Variants in TMED3 observed in about 807,000 individuals in gnomAD.
TMED3 encodes transmembrane emp24 domain-containing protein 3.
A neutral mutation model predicts 15.0 loss-of-function variants in TMED3; 9 were observed. That is an observed-to-expected ratio of 0.60 (90% CI 0.36 to 1.04). TMED3 has a LOEUF of 1.04. TMED3 is among the 50% of genes least tolerant of loss of function. The pLI is 0.01. For synonymous variants in TMED3, 117 were observed against 121.4 expected (o/e 0.96, Z 0.24); for missense variants, 267 against 278.9 (o/e 0.96, Z 0.30).
chr15:79,349,745 A>G (rs2058884960), intron 2 of TMED3, among the ~76,000 whole-genome samples: 1 of 152,138 alleles, frequency 6.6e-6, no homozygotes, highest in Non-Finnish European at 1.5e-5. Context: ...TTCTGCTCCT[A>G]GAACAAGCCG....
At chr15:79,399,202 C>T (rs1463741293) in intron 2 of TMED3, among the ~76,000 whole-genome samples, 1 of 152,180 alleles carries the variant, frequency 6.6e-6, no homozygotes, top group African/African-American at 2.4e-5. Context: ...TGAGCCACCA[C>T]ACCCAGCAAA....
downstream of TMED3, among the ~76,000 whole-genome samples, chr15:79,326,816 C>A (rs2058789161): frequency 6.6e-6 from 1 of 152,162 alleles, no homozygotes; most frequent in African/African-American, 2.4e-5. Context: ...GAGGGAAGGC[C>A]TCTTTAGTCT....
chr15:79,385,817 G>A (rs982248779), intron 2 of TMED3, among the ~76,000 whole-genome samples: 1 of 152,236 alleles, frequency 6.6e-6, no homozygotes, highest in Non-Finnish European at 1.5e-5. Flanking sequence ...AGAAGGGGCA[G>A]AGCTCCCACT....
At chr15:79,390,830 A>C (rs910985214) in intron 2 of TMED3, among the ~76,000 whole-genome samples, 13 of 151,890 alleles carry the variant, frequency 8.6e-5, no homozygotes, top group African/African-American at 2.2e-4. Context: ...TTTTTCCAGG[A>C]ATTTATCCAT....
intron 2 of TMED3, among the ~76,000 whole-genome samples, chr15:79,335,244 C>T (rs1231217864): frequency 6.6e-6 from 1 of 152,128 alleles, no homozygotes; most frequent in Non-Finnish European, 1.5e-5. Flanking sequence ...AAAAATAAAG[C>T]AAAATGATTA....
intron 2 of TMED3, among the ~76,000 whole-genome samples, chr15:79,380,600 T>TAGAGAG (rs768333428): frequency 9.6e-5 from 14 of 146,580 alleles, no homozygotes; most frequent in African/African-American, 3.5e-4. Context: ...TATATATATA[T>TAGAGAG]AGAGAGAGAG....
chr15:79,353,189 A>ATATTTTATATATTATG, intron 2 of TMED3, among the ~76,000 whole-genome samples: 1 of 76,036 alleles, frequency 1.3e-5, no homozygotes, highest in South Asian at 3.9e-4. Flanking sequence ...TATAAAATAT[A>ATATTTTATATATTATG]TATAATATAT....
chr15:79,314,026 C>G, intron 2 of TMED3, 21 bp downstream of exon 2: 3 of 1,613,384 alleles, frequency 1.9e-6, no homozygotes, highest in Middle Eastern at 1.7e-4. Flanking sequence ...ATTAGCAGTT[C>G]GGGGCTGCTG....
chr15:79,362,676 T>C (rs1046172559), intron 2 of TMED3, among the ~76,000 whole-genome samples: 2 of 152,136 alleles, frequency 1.3e-5, no homozygotes, highest in African/African-American at 4.8e-5. Flanking sequence ...GTCCTCATGA[T>C]AGTGATTAAG....
chr15:79,368,791 G>A (rs1893283569), intron 2 of TMED3, among the ~76,000 whole-genome samples: 1 of 151,874 alleles, frequency 6.6e-6, no homozygotes, highest in Non-Finnish European at 1.5e-5. Flanking sequence ...TAACCCTTTA[G>A]AAATGCAAAT....
chr15:79,396,830 A>T (rs1893768768), intron 2 of TMED3, among the ~76,000 whole-genome samples: 1 of 152,230 alleles, frequency 6.6e-6, no homozygotes, highest in South Asian at 2.1e-4. Flanking sequence ...AAAATATTTT[A>T]TTCTTAACTT....
At chr15:79,379,554 TTACTC>T (rs57803889) in intron 2 of TMED3, among the ~76,000 whole-genome samples, 4,997 of 152,254 alleles carry the variant, frequency 0.033, 256 homozygotes, top group African/African-American at 0.11. Context: ...TATCTAATAA[TTACTC>T]TAATATTACT....
intron 2 of TMED3, among the ~76,000 whole-genome samples, chr15:79,402,561 C>T (rs1001247045): frequency 1.3e-5 from 2 of 151,980 alleles, no homozygotes; most frequent in East Asian, 3.9e-4. Flanking sequence ...GGGTGGATCA[C>T]GAGGTCAGGG....
At chr15:79,384,714 T>G (rs191635907) in intron 2 of TMED3, 1 of 152,342 alleles carries the variant, frequency 6.6e-6, no homozygotes, top group Admixed American at 6.5e-5. Context: ...GACCTTTACC[T>G]TATAAAACAT....
chr15:79,375,294 C>T (rs1893405108), intron 2 of TMED3, among the ~76,000 whole-genome samples: 1 of 152,096 alleles, frequency 6.6e-6, no homozygotes, highest in Admixed American at 6.5e-5. Context: ...TGGTCTCCTT[C>T]TGTCTGGATA....
chr15:79,341,218 A>AAAG (rs1555422370), intron 2 of TMED3, among the ~76,000 whole-genome samples: 4 of 68,694 alleles, frequency 5.8e-5, no homozygotes, highest in Non-Finnish European at 7.9e-5. Context: ...AAAAAAAAAA[A>AAAG]GGTGAAGAAA....
chr15:79,355,838 C>T (rs1304676187), intron 2 of TMED3, among the ~76,000 whole-genome samples: 1 of 152,136 alleles, frequency 6.6e-6, no homozygotes, highest in South Asian at 2.1e-4. Flanking sequence ...TTTGTGGTTT[C>T]CTGGGTGGCA....
intron 2 of TMED3, among the ~76,000 whole-genome samples, chr15:79,340,557 G>A (rs531958230): frequency 5.2e-4 from 79 of 152,250 alleles, no homozygotes; most frequent in African/African-American, 1.8e-3. Context: ...GAGATAATTC[G>A]TTATGCAGCA....
chr15:79,363,011 TA>T (rs1407116246), intron 2 of TMED3, among the ~76,000 whole-genome samples: 1 of 151,920 alleles, frequency 6.6e-6, no homozygotes, highest in Non-Finnish European at 1.5e-5. Flanking sequence ...ATTGTTTGAT[TA>T]GGGGTAGACT....
Sources: gnomAD v4.1 joint callset for allele counts (sites outside exome capture counted in the v4.1 genomes callset) on GRCh38, gnomAD v4.1.1 for gene constraint, MANE v1.5 for transcripts, NCBI Gene and HGNC (gene_info 2026-07-23, HGNC 2026-07-21) for gene names.